Variants in PRSS50 observed in about 807,000 individuals in gnomAD.
PRSS50 encodes serine protease 50, also known as probable threonine protease PRSS50.
In PRSS50, 23 loss-of-function variants were observed where a neutral mutation model predicts 34.2. The ratio of observed to expected loss-of-function variants is 0.67; its 90% CI spans 0.48 to 0.95. The LOEUF (loss-of-function observed/expected upper bound fraction) is 0.95. Ranked by LOEUF, PRSS50 falls within the 40% of genes least tolerant of loss-of-function variation. PRSS50 has a pLI of 0.00. For missense variants in PRSS50, 484 were observed against 513.4 expected, an observed-to-expected ratio of 0.94 and a Z score of 0.55; for synonymous variants, 224 against 211.2, an observed-to-expected ratio of 1.06 and a Z score of -0.53.
chr3:46,712,615 T>G, intron 5 of PRSS50, 133 bp from the exon 6 acceptor site: 1 of 872,670 alleles, frequency 1.1e-6, no homozygotes, highest in South Asian at 1.7e-5. Flanking sequence ...TGAGAAGTGC[T>G]CCAGACCCAG....
rs546168258 is a variant in PRSS50, at chr3:46,717,413, G to A, written c.307+24C>T. 3.7e-6 allele frequency: 6 copies of A among 1,611,942 alleles called. No homozygotes were observed. Among genetic ancestry groups the A allele is most frequent in the East Asian group, 2.2e-5 (1 of 44,860 alleles). On this transcript the variant is annotated intron_variant, in intron 2 of 5. Coordinates refer to ENST00000315170, the MANE Select transcript of PRSS50 (RefSeq NM_013270.5). This position sits in a 1 kb window ranked among gnomAD's most constrained non-coding sequence, Gnocchi z 4.5. ...TCCTCTGTCACCCTCCTTGCCCCAC[G>A]GAGTCTACACCCCTGGTACTCACAG...
In PRSS50 at chr3:46,716,680, G is replaced by A. The variant is rs914633885; in HGVS notation, c.307+757C>T. On this transcript the variant is annotated intron_variant, in intron 2 of 5. Transcript: ENST00000315170. This position sits in a 1 kb window ranked among gnomAD's most constrained non-coding sequence, Gnocchi z 4.4. ...ATTATCACCCAGAATGCCTACCCAC[G>A]GCTGGTGGGAGTGCTCACTGCTGCA... 4.6e-5 allele frequency among the ~76,000 whole-genome samples: 7 copies of A among 152,258 alleles called. No homozygotes were observed. The highest frequency in any genetic ancestry group is 2.1e-4 in the South Asian group (1 of 4,818).
rs367640835 is a variant in PRSS50 at position 46,717,644 on chromosome 3, A to C, written c.107-7T>G. On this transcript the variant is annotated splice_region_variant and splice_polypyrimidine_tract_variant and intron_variant, in intron 1 of 5. Transcript: ENST00000315170. This position sits in a 1 kb window ranked among gnomAD's most constrained non-coding sequence, Gnocchi z 4.5. ...TCCCCTGCGCCCCAGCAACCTGCGG[A>C]GGACGTCGAGCGGATTAGAGGTGGA... 57 of 1,611,806 alleles carry C rather than the reference A, an allele frequency of 3.5e-5. No individual in the cohort carries two copies. The highest frequency in any genetic ancestry group is 4.6e-5 in the Non-Finnish European group (54 of 1,179,104).
At chr3:46,712,664 C>T (rs889642275) in intron 5 of PRSS50, among the ~76,000 whole-genome samples, 182 bp from the exon 6 acceptor site, 4 of 151,148 alleles carry the variant, frequency 2.6e-5, no homozygotes, top group Non-Finnish European at 5.9e-5. Context: ...CACCTCTTAA[C>T]ACCCACCCTC....
chr3:46,717,835 C>A lies in PRSS50; in HGVS notation c.-11G>T. On this transcript the variant is annotated 5_prime_UTR_variant, in exon 1 of 6. Coordinates refer to ENST00000315170, the MANE Select transcript of PRSS50 (RefSeq NM_013270.5). This position sits in a 1 kb window ranked among gnomAD's most constrained non-coding sequence, Gnocchi z 4.5. ...GCACCAGCGACCCATCCCGGGGTGG[C>A]AGCCGACTGCGTCTCTCCGGAAGGC... 6.7e-7 allele frequency: 1 copy of A among 1,488,522 alleles called. No homozygotes were observed. The highest frequency in any genetic ancestry group is 1.4e-5 in the South Asian group (1 of 73,430). 92.2% of individuals were successfully genotyped at this position (1,488,522 alleles called of 1,614,324 possible).
At position 46,717,300 on chromosome 3, in the gene PRSS50, C is replaced by T. The variant is rs1012725688; in HGVS notation, c.307+137G>A. The T allele has an allele frequency of 7.3e-6, 7 of 962,982 alleles. No homozygotes were observed. In the African/African-American group the frequency reaches 8.3e-5, roughly 11 times the overall value. 59.7% of individuals were successfully genotyped at this position (962,982 alleles called of 1,614,324 possible). ...GCCTGACCCACAGGTGTTTAGTGCT[C>T]AATGAACACCTGTAGAAGGAGGCGC... On this transcript the variant is annotated intron_variant, in intron 2 of 5. Coordinates refer to ENST00000315170, the MANE Select transcript of PRSS50 (RefSeq NM_013270.5). This position sits in a 1 kb window ranked among gnomAD's most constrained non-coding sequence, Gnocchi z 4.5.
intron 3 of PRSS50, among the ~76,000 whole-genome samples, chr3:46,714,845 T>C (rs542573512): frequency 6.6e-5 from 10 of 152,324 alleles, no homozygotes; most frequent in African/African-American, 1.2e-4. Flanking sequence ...ATGGACTCTT[T>C]CACCCCATGC....
chr3:46,715,701 A>G lies in PRSS50; in HGVS notation c.308-4T>C. 6.3e-7 allele frequency: 1 copy of G among 1,589,050 alleles called. No homozygotes were observed. The highest frequency in any genetic ancestry group is 8.6e-7 in the Non-Finnish European group (1 of 1,166,050). On this transcript the variant is annotated splice_polypyrimidine_tract_variant and splice_region_variant and intron_variant, in intron 2 of 5. Transcript: ENST00000315170. This position sits in a 1 kb window ranked among gnomAD's most constrained non-coding sequence, Gnocchi z 5.2. ...TGCTCGTAGGAAAAGCCACAGGCTG[A>G]GGAGGAAGGTGAGAGCTTGATGAGG...
chr3:46,712,603 G>C (rs1168415933), intron 5 of PRSS50, 121 bp from the exon 6 acceptor site: 14 of 945,508 alleles, frequency 1.5e-5, no homozygotes, highest in Non-Finnish European at 2.1e-5. Flanking sequence ...TGCCAACATA[G>C]GTGAGAAGTG....
At chr3:46,712,876 G>C (rs373843814) in intron 5 of PRSS50, 25 bp downstream of exon 5, 6 of 1,611,070 alleles carry the variant, frequency 3.7e-6, no homozygotes, top group Non-Finnish European at 5.1e-6. Flanking sequence ...CCCTGAAGGG[G>C]AGTGAGCGAG....
chr3:46,716,031 AC>A lies in PRSS50; in HGVS notation c.308-335del. 6.6e-6 allele frequency among the ~76,000 whole-genome samples: 1 copy of A among 151,792 alleles called. No individual in the cohort carries two copies. Among genetic ancestry groups the A allele is most frequent in the Non-Finnish European group, 1.5e-5 (1 of 67,944 alleles). On this transcript the variant is annotated intron_variant, in intron 2 of 5. Coordinates refer to ENST00000315170, the MANE Select transcript of PRSS50 (RefSeq NM_013270.5). This position sits in a 1 kb window ranked among gnomAD's most constrained non-coding sequence, Gnocchi z 4.4. ...CCTTCACTAACTTGTTCTCATTTCC[AC>A]CTGGTTCCACCCTCACCATGTCCCC...
At position 46,712,999 on chromosome 3, in the gene PRSS50, T is replaced by C. The variant is rs1159292131; in HGVS notation, c.823A>G (p.Asn275Asp). The change falls in exon 5 of 6, where the codon AAT becomes GAT. Residue 275 changes from asparagine (N) to aspartate (D), a missense_variant. Physicochemically the swap from Asn to Asp is conservative, Grantham distance 23 (BLOSUM62 1). Transcript: ENST00000315170. Reference protein sequence around the residue: ...VIILNNKECDNFYHNFTKIPT... With the variant: ...VIILNNKECDDFYHNFTKIPT... Reference sequence around the variant, plus strand: ...ATTTTGGTGAAGTTGTGGTAGAAATTGTCACACTCTTTGTTGTTCAGGATG... The same window carrying C: ...ATTTTGGTGAAGTTGTGGTAGAAATCGTCACACTCTTTGTTGTTCAGGATG... The C allele has an allele frequency of 6.2e-7, 1 of 1,614,132 alleles. No individual in the cohort carries two copies.
Position 46,712,212 on chromosome 3 carries a change from AG to A in PRSS50, c.*33del, listed in dbSNP as rs757041983. Reference sequence around the variant, plus strand: ...CCACAGCAACCTGGGCACGGAGGCAAGGGGGGCCCACAAGTGAGGGAGGGCA... The same window carrying A: ...CCACAGCAACCTGGGCACGGAGGCAAGGGGGCCCACAAGTGAGGGAGGGCA... On this transcript the variant is annotated 3_prime_UTR_variant, in exon 6 of 6. Coordinates refer to ENST00000315170, the MANE Select transcript of PRSS50 (RefSeq NM_013270.5). 2.6e-6 allele frequency: 4 copies of A among 1,557,198 alleles called. No homozygotes were observed. The highest frequency in any genetic ancestry group is 1.4e-5 in the African/African-American group (1 of 73,834).
At chr3:46,712,862 G>A (rs767724481) in intron 5 of PRSS50, 39 bp downstream of exon 5, 2 of 1,603,450 alleles carry the variant, frequency 1.2e-6, no homozygotes, top group Non-Finnish European at 1.7e-6. Context: ...TCTCCCCCAG[G>A]TGCCCCTGAA....
chr3:46,714,603 G>A (rs1471156157), intron 3 of PRSS50, 102 bp from the exon 4 acceptor site: 3 of 1,356,498 alleles, frequency 2.2e-6, no homozygotes, highest in African/African-American at 1.5e-5. Context: ...GAAGATCCAG[G>A]AGGGGCCACC....
Position 46,717,725 on chromosome 3 carries a change from A to G in PRSS50, c.100T>C (p.Ser34Pro). The stretch of plus-strand genomic sequence containing the variant: ...GGGATCGGGAGGGACTCACCTGCAG[A>G]CCTCAGCAACAGAAGCAGCAGCAGC... ...ALLLLLLLLR[S>P]AGCWGAGEAP... The change falls in exon 1 of 6, where the codon TCT (serine) becomes CCT (proline). Residue 34 changes from serine (S) to proline (P), a missense_variant. Physicochemically the swap from Ser to Pro is moderately conservative, Grantham distance 74 (BLOSUM62 -1). Coordinates refer to ENST00000315170, the MANE Select transcript of PRSS50 (RefSeq NM_013270.5). The surrounding 1 kb of genome is among the most constrained non-coding windows in gnomAD (Gnocchi z 4.5). 1 of 1,596,822 alleles carries G rather than the reference A, an allele frequency of 6.3e-7. No homozygotes were observed. Among genetic ancestry groups the G allele is most frequent in the Non-Finnish European group, 8.5e-7 (1 of 1,172,342 alleles).
chr3:46,717,679 C>T lies in PRSS50; in HGVS notation c.106+40G>A. On this transcript the variant is annotated intron_variant, in intron 1 of 5. Coordinates refer to ENST00000315170, the MANE Select transcript of PRSS50 (RefSeq NM_013270.5). The surrounding 1 kb of genome is among the most constrained non-coding windows in gnomAD (Gnocchi z 4.5). ...GCGGATTAGAGGTGGAAGGCGAGGG[C>T]CGCGTCAGGCGGGTGGGGTAGGGAT... 6.2e-7 allele frequency: 1 copy of T among 1,601,222 alleles called. No homozygotes were observed. Among genetic ancestry groups the T allele is most frequent in the African/African-American group, 1.3e-5 (1 of 74,794 alleles).
intron 4 of PRSS50, among the ~76,000 whole-genome samples, chr3:46,713,572 C>G: frequency 6.6e-6 from 1 of 152,248 alleles, no homozygotes; most frequent in South Asian, 2.1e-4. Context: ...CAGGTCCTCC[C>G]ACATGGGCTG....
intron 3 of PRSS50, 71 bp from the exon 4 acceptor site, chr3:46,714,572 C>A: frequency 1.4e-6 from 2 of 1,458,674 alleles, no homozygotes; most frequent in Admixed American, 4.5e-5. Context: ...CTGGGCCTTC[C>A]CCCACTCTGC....
Sources: gnomAD v4.1 joint callset for allele counts (sites outside exome capture counted in the v4.1 genomes callset) on GRCh38, gnomAD v4.1.1 for gene constraint, Gnocchi (gnomAD v3.1) non-coding constraint, MANE v1.5 for transcripts, NCBI Gene and HGNC (gene_info 2026-07-23, HGNC 2026-07-21) for gene names.